Variants in RRM2B observed in about 807,000 individuals in gnomAD.
RRM2B encodes the protein ribonucleotide reductase regulatory TP53 inducible subunit M2B, also known as ribonucleoside-diphosphate reductase subunit M2 B.
Under a neutral mutation model 45.9 loss-of-function variants are expected in RRM2B, and 20 were observed. The observed-to-expected ratio is 0.44, with a 90% CI of 0.31 to 0.63. RRM2B has a LOEUF of 0.63. Among genes scored for constraint, RRM2B ranks in the 30% least tolerant of loss-of-function variants. The pLI is 0.09. For missense variants in RRM2B, 320 were observed against 414.7 expected, an observed-to-expected ratio of 0.77 and a Z score of 1.98; for synonymous variants, 124 against 132.3, an observed-to-expected ratio of 0.94 and a Z score of 0.43.
rs1400386927 is a variant in RRM2B at position 102,224,916 on chromosome 8, T to A, written c.424A>T (p.Ile142Leu). ...NVHSEMYSLL[I>L]DTYIRDPKKR... is the part of the protein sequence containing the mutation. The stretch of plus-strand genomic sequence containing the variant: ...TTGGGATCTCTGATGTAAGTGTCTA[T>A]CAGCAAACTGTACATCTCTGAGTGA... Residue 142 changes from isoleucine (I) to leucine (L), a missense_variant, in exon 4 of 9, where the codon ATA becomes TTA. This residue lies in a region of RRM2B where 225 missense variants were observed against 289.4 expected (regional missense o/e 0.78). Transcript: ENST00000251810. 2.5e-6 allele frequency: 4 copies of A among 1,613,874 alleles called. No individual in the cohort carries two copies. Among genetic ancestry groups the A allele is most frequent in the Admixed American group, 3.3e-5 (2 of 60,002 alleles).
chr8:102,237,196 T>C (rs1419380897), intron 1 of RRM2B, among the ~76,000 whole-genome samples: 2 of 152,236 alleles, frequency 1.3e-5, no homozygotes, highest in African/African-American at 2.4e-5. Context: ...CAATAGACTA[T>C]GAATTAGATT....
intron 2 of RRM2B, among the ~76,000 whole-genome samples, chr8:102,228,224 C>T (rs1223959498): frequency 6.6e-6 from 1 of 152,174 alleles, no homozygotes; most frequent in Non-Finnish European, 1.5e-5. Flanking sequence ...AGCAGCTTAA[C>T]TTCAGAGGGA....
At chr8:102,214,262 G>T in intron 6 of RRM2B, 104 bp from the exon 7 acceptor site, 1 of 782,454 alleles carries the variant, frequency 1.3e-6, no homozygotes, top group Non-Finnish European at 2.2e-6. Context: ...ATATAACACA[G>T]AACTTCTGGA....
chr8:102,223,984 A>G, intron 5 of RRM2B, 62 bp downstream of exon 5: 1 of 1,146,720 alleles, frequency 8.7e-7, no homozygotes, highest in Middle Eastern at 1.9e-4. Flanking sequence ...TAGTCACACC[A>G]CATAAAATAC....
intron 5 of RRM2B, 149 bp from the exon 6 acceptor site, chr8:102,219,096 GA>G: frequency 1.2e-6 from 1 of 802,108 alleles, no homozygotes; most frequent in Non-Finnish European, 2.0e-6. Context: ...CTCCATAGGA[GA>G]AAATGCGCCA....
intron 2 of RRM2B, among the ~76,000 whole-genome samples, chr8:102,226,326 T>TTATA (rs28999707): frequency 9.1e-4 from 134 of 146,942 alleles, no homozygotes; most frequent in Admixed American, 1.7e-3. Flanking sequence ...AACCATTTTA[T>TTATA]TATATATATA....
chr8:102,228,879 C>A (rs1159045998), intron 2 of RRM2B, among the ~76,000 whole-genome samples: 4 of 152,232 alleles, frequency 2.6e-5, no homozygotes, highest in African/African-American at 9.7e-5. Context: ...CAGAAAAAAT[C>A]TTTTAAATAT....
At chr8:102,221,554 C>T (rs1810835911) in intron 5 of RRM2B, among the ~76,000 whole-genome samples, 2 of 152,160 alleles carry the variant, frequency 1.3e-5, no homozygotes, top group Non-Finnish European at 2.9e-5. Context: ...CACCAATGCA[C>T]TCTTCACTCT....
At chr8:102,227,066 T>G (rs1291780002) in intron 2 of RRM2B, among the ~76,000 whole-genome samples, 2 of 152,038 alleles carry the variant, frequency 1.3e-5, no homozygotes, top group Non-Finnish European at 2.9e-5. Context: ...CAGGCTGGTC[T>G]CAATCTCCTG....
At chr8:102,223,695 C>CAAA (rs764014539) in intron 5 of RRM2B, among the ~76,000 whole-genome samples, 58 of 74,652 alleles carry the variant, frequency 7.8e-4, no homozygotes, top group Admixed American at 1.4e-3. Context: ...GACTCCGTCT[C>CAAA]AAAAAAAAAA....
At chr8:102,235,780 A>G (rs1312876585) in intron 1 of RRM2B, among the ~76,000 whole-genome samples, 4 of 152,234 alleles carry the variant, frequency 2.6e-5, no homozygotes, top group African/African-American at 7.2e-5. Flanking sequence ...CAGAGGTTGC[A>G]GTGAGCCGAG....
rs550242747 is a variant in RRM2B, at chr8:102,204,869, T to A, written c.*3264A>T. ...TATTTAACTGTACAAAAAGCAATCA[T>A]TCTCTCCAGCCTTCCATCTTCACTT... On this transcript the variant is annotated 3_prime_UTR_variant, in exon 9 of 9. Coordinates refer to ENST00000251810, the MANE Select transcript of RRM2B (RefSeq NM_015713.5). 95 of 152,338 alleles carry A rather than the reference T, an allele frequency of 6.2e-4. No homozygotes were observed. Among genetic ancestry groups the A allele is most frequent in the African/African-American group, 2.1e-3 (88 of 41,594 alleles). The allele number at this position is 152,338 out of a possible 1,614,324, so 9.4% of individuals were successfully genotyped here.
chr8:102,231,799 G>A (rs1392268807), intron 2 of RRM2B, among the ~76,000 whole-genome samples: 1 of 150,692 alleles, frequency 6.6e-6, no homozygotes, highest in Admixed American at 6.6e-5. Flanking sequence ...AACCCGGGAG[G>A]TGGAGTTTGC....
chr8:102,220,748 T>A (rs1461684861), intron 5 of RRM2B, among the ~76,000 whole-genome samples: 1 of 152,222 alleles, frequency 6.6e-6, no homozygotes, highest in Non-Finnish European at 1.5e-5. Flanking sequence ...AAATTGGTAT[T>A]GTAACCATGC....
At chr8:102,228,832 C>T (rs1411532150) in intron 2 of RRM2B, among the ~76,000 whole-genome samples, 1 of 152,208 alleles carries the variant, frequency 6.6e-6, no homozygotes, top group African/African-American at 2.4e-5. Context: ...TTCCCACCCA[C>T]GAAGGGATCG....
rs1300694290 is a variant in RRM2B, at chr8:102,205,365, AAGC to A, written c.*2765_*2767del. 13 of 152,342 alleles carry A rather than the reference AAGC, an allele frequency of 8.5e-5. No homozygotes were observed. Among genetic ancestry groups the A allele is most frequent in the Admixed American group, 7.8e-4 (12 of 15,302 alleles). 9.4% of individuals were successfully genotyped at this position (152,342 alleles called of 1,614,324 possible). ...CACAAATAAAAAATGGCAATAGAAA[AAGC>A]AGAAAAATATGGATGTTTCTAAATG... On this transcript the variant is annotated 3_prime_UTR_variant, in exon 9 of 9. Coordinates refer to ENST00000251810, the MANE Select transcript of RRM2B (RefSeq NM_015713.5).
At chr8:102,234,245 AGAAT>A (rs1811080502) in intron 1 of RRM2B, among the ~76,000 whole-genome samples, 1 of 152,246 alleles carries the variant, frequency 6.6e-6, no homozygotes, top group Non-Finnish European at 1.5e-5. Flanking sequence ...CCTTTAAGTT[AGAAT>A]GAAAGTCACA....
chr8:102,215,936 C>A lies in RRM2B; in HGVS notation c.685-1778G>T, dbSNP rs532994850. On this transcript the variant is annotated intron_variant, in intron 6 of 8. Coordinates refer to ENST00000251810, the MANE Select transcript of RRM2B (RefSeq NM_015713.5). ...ACTCAGCCTGGGTGACAGAGAAAGA[C>A]CCTGTCTCAAAAAAAAAAAAAAAAA... is the stretch of plus-strand genomic sequence containing the variant. Among the ~76,000 whole-genome samples the A allele has an allele frequency of 4.6e-5, 5 of 109,806 alleles. No homozygotes were observed. The Admixed American group carries it at 5.0e-4, about 11-fold the overall frequency. The allele number at this position is 109,806 out of a possible 152,430, so 72.0% of individuals were successfully genotyped here.
Position 102,224,995 on chromosome 8 carries a change from C to A in RRM2B, c.345G>T (p.Val115=). 1.2e-6 allele frequency: 2 copies of A among 1,614,122 alleles called. No homozygotes were observed. The highest frequency in any genetic ancestry group is 1.7e-6 in the Non-Finnish European group (2 of 1,180,008). ...AGAAACAGCGAGCCTCTGGAACCTG[C>A]ACCTCCTGACTAAAGCGCTCCACCT... ...ENLVERFSQE[V]QVPEARCFYG... is the part of the protein sequence containing the mutation. Residue 115 remains valine (V), a synonymous_variant, in exon 4 of 9, where the codon GTG becomes GTT. Transcript: ENST00000251810.
Sources: gnomAD v4.1 joint callset for allele counts (sites outside exome capture counted in the v4.1 genomes callset) on GRCh38, gnomAD v4.1.1 for gene constraint, gnomAD v4.1.1 regional missense constraint, MANE v1.5 for transcripts, NCBI Gene and HGNC (gene_info 2026-07-23, HGNC 2026-07-21) for gene names.